Variants in COL5A1 observed in about 807,000 individuals in gnomAD.
The protein encoded by COL5A1 is collagen alpha-1(V) chain.
A neutral mutation model predicts 263.7 loss-of-function variants in COL5A1; 16 were observed. The ratio of observed to expected loss-of-function variants is 0.06; its 90% CI spans 0.04 to 0.09. The LOEUF (loss-of-function observed/expected upper bound fraction) is 0.09, where lower values mean the gene tolerates loss of function less well. Ranked by LOEUF, COL5A1 falls within the 10% of genes least tolerant of loss-of-function variation. The probability of loss-of-function intolerance (pLI) is 1.00; values close to 1 mark genes in which losing one functional copy is unlikely to be tolerated. For synonymous variants in COL5A1, 1,012 were observed against 1,004.5 expected, an observed-to-expected ratio of 1.01 and a Z score of -0.14; for missense variants, 2,036 against 2,540.5, an observed-to-expected ratio of 0.80 and a Z score of 4.27.
chr9:134,780,002 C>T, intron 27 of COL5A1, 100 bp from the exon 28 acceptor site: 1 of 1,363,278 alleles, frequency 7.3e-7, no homozygotes, highest in Non-Finnish European at 1.0e-6. Flanking sequence ...CCTCATCTGT[C>T]AGCTTCAGCG....
intron 4 of COL5A1, among the ~76,000 whole-genome samples, chr9:134,712,912 G>T (rs545191763): frequency 1.3e-5 from 2 of 151,968 alleles, no homozygotes; most frequent in African/African-American, 4.8e-5. Context: ...GGCTCTGTCC[G>T]CAAACCTGTC....
At chr9:134,707,927 C>T (rs1016823415) in intron 4 of COL5A1, among the ~76,000 whole-genome samples, 13 of 152,198 alleles carry the variant, frequency 8.5e-5, no homozygotes, top group Non-Finnish European at 1.9e-4. Flanking sequence ...GAGCTGTGTG[C>T]GGCTGGCGGC....
At chr9:134,788,335 G>A (rs1224678477) in intron 31 of COL5A1, among the ~76,000 whole-genome samples, 3 of 151,738 alleles carry the variant, frequency 2.0e-5, no homozygotes, top group Non-Finnish European at 1.5e-5. Context: ...TTTATAGGTA[G>A]GCAAATCGAT....
intron 6 of COL5A1, among the ~76,000 whole-genome samples, chr9:134,729,455 G>A (rs1364298519): frequency 1.3e-5 from 2 of 152,072 alleles, no homozygotes; most frequent in Admixed American, 6.5e-5. Flanking sequence ...GTGCATGAAC[G>A]AGTGTGTGTG....
At chr9:134,822,049 C>T in intron 58 of COL5A1, 48 bp from the exon 59 acceptor site, 1 of 1,558,004 alleles carries the variant, frequency 6.4e-7, no homozygotes, top group South Asian at 1.1e-5. Context: ...AGCCCCGCAG[C>T]TCCTCCTCGT....
At chr9:134,833,329 G>C (rs574472804) in intron 64 of COL5A1, among the ~76,000 whole-genome samples, 2 of 152,348 alleles carry the variant, frequency 1.3e-5, no homozygotes, top group Non-Finnish European at 1.5e-5. Flanking sequence ...GCACCTGGTG[G>C]AGCTGAGCAG....
At chr9:134,784,148 G>A (rs13294483) in intron 29 of COL5A1, among the ~76,000 whole-genome samples, 23,981 of 152,218 alleles carry the variant, frequency 0.16, 2,191 homozygotes, top group African/African-American at 0.25. Flanking sequence ...TGTGTGCCGG[G>A]TTATTTTGTT....
intron 64 of COL5A1, among the ~76,000 whole-genome samples, chr9:134,833,472 C>T (rs1399864214): frequency 2.6e-5 from 4 of 152,146 alleles, no homozygotes; most frequent in African/African-American, 7.2e-5. Flanking sequence ...ATCAGAGTCC[C>T]GGGCTGACCT....
At chr9:134,717,969 C>T (rs551456142) in intron 4 of COL5A1, among the ~76,000 whole-genome samples, 20 of 152,050 alleles carry the variant, frequency 1.3e-4, no homozygotes, top group African/African-American at 4.1e-4. Context: ...ACTGAGCATG[C>T]GATTAGAGGG....
rs1833636352 is a variant in COL5A1, at chr9:134,700,576, C to G, written c.491+454C>G. ...CTCAACACCAGGGGTTGTCAGTCTC[C>G]TCTTTCGTGGTCAGCACGTGTGAGG... On this transcript the variant is annotated intron_variant, in intron 3 of 65. Coordinates refer to ENST00000371817, the MANE Select transcript of COL5A1 (RefSeq NM_000093.5). This position sits in a 1 kb window ranked among gnomAD's most constrained non-coding sequence, Gnocchi z 4.0. Among the ~76,000 whole-genome samples, 1 of 152,154 alleles carries G rather than the reference C, an allele frequency of 6.6e-6. No homozygotes were observed. The highest frequency in any genetic ancestry group is 1.5e-5 in the Non-Finnish European group (1 of 68,032).
At chr9:134,807,625 CAG>C (rs1312064660) in intron 42 of COL5A1, among the ~76,000 whole-genome samples, 1 of 152,224 alleles carries the variant, frequency 6.6e-6, no homozygotes, top group African/African-American at 2.4e-5. Context: ...GTTTCACTCT[CAG>C]TGGCTCATGG....
In COL5A1 at chr9:134,642,152, A is replaced by G. The variant is rs1204420914; in HGVS notation, c.-36A>G. ...CCCTGTGCGTCCCCGCGCGCCTCCG[A>G]GCGCCCCTGTGCGCCCCGGCCCGCG... is the stretch of plus-strand genomic sequence containing the variant. On this transcript the variant is annotated 5_prime_UTR_variant, in exon 1 of 66. Transcript: ENST00000371817. The surrounding 1 kb of genome is among the most constrained non-coding windows in gnomAD (Gnocchi z 4.5). 20 of 1,238,704 alleles carry G rather than the reference A, an allele frequency of 1.6e-5. No homozygotes were observed. The East Asian group carries it at 2.2e-4, about 14-fold the overall frequency. The allele number at this position is 1,238,704 out of a possible 1,614,324, so 76.7% of individuals were successfully genotyped here. A position where few individuals can be genotyped will look rare whatever the true frequency, so the allele number is the denominator to read the frequency against.
intron 50 of COL5A1, among the ~76,000 whole-genome samples, chr9:134,815,249 G>A (rs111251079): frequency 6.6e-5 from 10 of 152,358 alleles, no homozygotes; most frequent in Admixed American, 1.3e-4. Flanking sequence ...GGCACATTCC[G>A]GAAGTCTGAA....
intron 4 of COL5A1, among the ~76,000 whole-genome samples, chr9:134,720,947 C>T (rs1467412894): frequency 1.3e-5 from 2 of 152,154 alleles, no homozygotes; most frequent in African/African-American, 2.4e-5. Flanking sequence ...GGCCTGGCTG[C>T]ATCTTAGAAT....
chr9:134,668,986 TCCAC>T (rs1017179265), intron 1 of COL5A1, among the ~76,000 whole-genome samples: 3 of 135,656 alleles, frequency 2.2e-5, no homozygotes, highest in Non-Finnish European at 3.2e-5. Context: ...CATCCATCCA[TCCAC>T]CCACCCACCC....
At chr9:134,676,881 CCTT>C (rs1410972654) in intron 1 of COL5A1, among the ~76,000 whole-genome samples, 2 of 152,342 alleles carry the variant, frequency 1.3e-5, no homozygotes, top group East Asian at 3.9e-4. Context: ...CTGGCTTCCT[CCTT>C]CTTCCTTCCT....
At chr9:134,722,512 AAG>A (rs1405109382) in intron 4 of COL5A1, among the ~76,000 whole-genome samples, 1 of 152,170 alleles carries the variant, frequency 6.6e-6, no homozygotes, top group East Asian at 1.9e-4. Context: ...CCCATGATCC[AAG>A]GAGCTTGGGG....
At chr9:134,746,472 G>C (rs574058388) in intron 11 of COL5A1, among the ~76,000 whole-genome samples, 1 of 152,380 alleles carries the variant, frequency 6.6e-6, no homozygotes, top group African/African-American at 2.4e-5. Context: ...AGGTTGAGCC[G>C]AGGGTCTCGT....
Position 134,642,239 on chromosome 9 carries a change from C to T in COL5A1, c.52C>T (p.Pro18Ser), listed in dbSNP as rs1060502260. Residue 18 changes from proline (P) to serine (S), a missense_variant, in exon 1 of 66, where the codon CCG becomes TCG. Physicochemically the swap from Pro to Ser is moderately conservative, Grantham distance 74. Transcript: ENST00000371817. This position sits in a 1 kb window ranked among gnomAD's most constrained non-coding sequence, Gnocchi z 4.5. ...KARSALRPGA[P>S]LLPPLLLLLL... is the part of the protein sequence containing the mutation. The stretch of plus-strand genomic sequence containing the variant: ...GCGCAGCGCGCTCCGCCCGGGCGCC[C>T]CGCTGCTGCCCCCGCTGCTGCTGCT... 3.9e-6 allele frequency: 5 copies of T among 1,290,156 alleles called. No homozygotes were observed. The highest frequency in any genetic ancestry group is 4.9e-6 in the Non-Finnish European group (5 of 1,014,326). The allele number at this position is 1,290,156 out of a possible 1,614,324, so 79.9% of individuals were successfully genotyped here. A position where few individuals can be genotyped will look rare whatever the true frequency, so the allele number is the denominator to read the frequency against.
Sources: gnomAD v4.1 joint callset for allele counts (sites outside exome capture counted in the v4.1 genomes callset) on GRCh38, gnomAD v4.1.1 for gene constraint, Gnocchi (gnomAD v3.1) non-coding constraint, MANE v1.5 for transcripts, NCBI Gene and HGNC (gene_info 2026-07-23, HGNC 2026-07-21) for gene names.